The following TRMT44 variants were observed in gnomAD, a reference collection of about 807,000 sequenced individuals.
TRMT44 encodes tRNA methyltransferase 44 homolog.
TRMT44 carries 78 observed loss-of-function variants against 77.3 expected under a neutral mutation model. The ratio of observed to expected loss-of-function variants is 1.01; its 90% CI spans 0.84 to 1.22. The LOEUF (loss-of-function observed/expected upper bound fraction) is 1.22. TRMT44 is among the 50% of genes most tolerant of loss of function. The pLI, the probability that TRMT44 is intolerant of heterozygous loss-of-function variation, is 0.00. For synonymous variants in TRMT44, 391 were observed against 383.3 expected (o/e 1.02, Z -0.23); for missense variants, 1,090 against 964.4 (o/e 1.13, Z -1.73).
At chr4:8,482,232 C>G (rs1199337304) in intron 2 of TRMT44, 1 of 152,346 alleles carries the variant, frequency 6.6e-6, no homozygotes, top group African/African-American at 2.4e-5. Context: ...CGGCATCCTC[C>G]TCCACCCTAG....
At chr4:8,468,452 C>T in intron 9 of TRMT44, 106 bp downstream of exon 9, 2 of 1,213,706 alleles carry the variant, frequency 1.6e-6, no homozygotes, top group Non-Finnish European at 2.4e-6. Context: ...TGTGACTACA[C>T]ACTTTGAAAA....
Position 8,446,471 on chromosome 4 carries a change from T to C in TRMT44, c.620-5T>C, listed in dbSNP as rs1225448824. On this transcript the variant is annotated splice_polypyrimidine_tract_variant and splice_region_variant and intron_variant, in intron 1 of 10. Transcript: ENST00000389737. The surrounding 1 kb of genome is among the most constrained non-coding windows in gnomAD (Gnocchi z 4.3). ...AATTTGTCCTTCTTCTCTTTTTCTT[T>C]CCAGATGTCCTCAATGGAACCATAA... 21 of 1,526,808 alleles carry C rather than the reference T, an allele frequency of 1.4e-5. No homozygotes were observed. Among genetic ancestry groups the C allele is most frequent in the Non-Finnish European group, 1.7e-5 (19 of 1,138,656 alleles). The allele number at this position is 1,526,808 out of a possible 1,614,324, so 94.6% of individuals were successfully genotyped here.
chr4:8,450,568 T>C (rs1008376008), intron 3 of TRMT44, among the ~76,000 whole-genome samples: 5 of 152,216 alleles, frequency 3.3e-5, no homozygotes, highest in Non-Finnish European at 7.3e-5. Flanking sequence ...TAATAACATG[T>C]GCTTAAACTT....
downstream of TRMT44, among the ~76,000 whole-genome samples, chr4:8,493,842 G>A (rs866478897): frequency 2.0e-5 from 3 of 151,978 alleles, no homozygotes; most frequent in Middle Eastern, 3.4e-3. Flanking sequence ...CCTGCCTGGC[G>A]AGCATAACCA....
chr4:8,482,976 G>A (rs964928927), intron 2 of TRMT44, among the ~76,000 whole-genome samples: 1 of 152,188 alleles, frequency 6.6e-6, no homozygotes, highest in South Asian at 2.1e-4. Flanking sequence ...ATGAGGGGCG[G>A]TGTGGGAACC....
At chr4:8,462,703 C>CA (rs1312106342) in intron 6 of TRMT44, among the ~76,000 whole-genome samples, 1 of 152,094 alleles carries the variant, frequency 6.6e-6, no homozygotes, top group African/African-American at 2.4e-5. Context: ...GACTCCGTCT[C>CA]AAAAACAACA....
At chr4:8,490,179 C>A (rs2109231777) in intron 2 of TRMT44, among the ~76,000 whole-genome samples, 1 of 152,250 alleles carries the variant, frequency 6.6e-6, no homozygotes, top group South Asian at 2.1e-4. Flanking sequence ...CACGCCTTCC[C>A]CGAAACTGCC....
rs1229819934 is a variant in TRMT44, at chr4:8,452,551, A to G, written c.1024-331A>G. ...GGAGTTTGAGACCAGCCTGGCCAAC[A>G]TGGTGAAACCCTGTCTCTACTAAAA... On this transcript the variant is annotated intron_variant, in intron 4 of 10. Coordinates refer to ENST00000389737, the MANE Select transcript of TRMT44 (RefSeq NM_152544.3). The surrounding 1 kb of genome is among the most constrained non-coding windows in gnomAD (Gnocchi z 5.7). Among the ~76,000 whole-genome samples the G allele has an allele frequency of 6.6e-6, 1 of 152,202 alleles. No homozygotes were observed. Among genetic ancestry groups the G allele is most frequent in the Non-Finnish European group, 1.5e-5 (1 of 68,042 alleles).
In TRMT44 at chr4:8,451,260, A is replaced by G. The variant is rs1725431544; in HGVS notation, c.955-700A>G. On this transcript the variant is annotated intron_variant, in intron 3 of 10. Coordinates refer to ENST00000389737, the MANE Select transcript of TRMT44 (RefSeq NM_152544.3). The surrounding 1 kb of genome is among the most constrained non-coding windows in gnomAD (Gnocchi z 4.1). Reference sequence around the variant, plus strand: ...TCTTGTTAGCTATTTGGTACCGTCCAGAAGGTACTTTTTATGTTTTTCCAG... The same window carrying G: ...TCTTGTTAGCTATTTGGTACCGTCCGGAAGGTACTTTTTATGTTTTTCCAG... Among the ~76,000 whole-genome samples, 1 of 152,146 alleles carries G rather than the reference A, an allele frequency of 6.6e-6. No individual in the cohort carries two copies. Among genetic ancestry groups the G allele is most frequent in the African/African-American group, 2.4e-5 (1 of 41,432 alleles).
chr4:8,465,958 C>T (rs943451864), intron 8 of TRMT44, among the ~76,000 whole-genome samples: 3 of 152,186 alleles, frequency 2.0e-5, no homozygotes, highest in African/African-American at 7.2e-5. Flanking sequence ...ACAGTGATTT[C>T]CCATTTTCTC....
chr4:8,474,251 AC>A (rs1215379980), intron 10 of TRMT44, among the ~76,000 whole-genome samples: 1 of 152,142 alleles, frequency 6.6e-6, no homozygotes, highest in Non-Finnish European at 1.5e-5. Flanking sequence ...CCTCCTGAGC[AC>A]CCTTTAGAGG....
intron 6 of TRMT44, among the ~76,000 whole-genome samples, chr4:8,462,176 C>T (rs144967157): frequency 0.026 from 3,938 of 151,798 alleles, 89 homozygotes; most frequent in African/African-American, 0.065. Context: ...TTTGGGAGGC[C>T]GAGGTGGGCA....
At chr4:8,472,823 C>G (rs1437947093) in intron 10 of TRMT44, among the ~76,000 whole-genome samples, 1 of 152,212 alleles carries the variant, frequency 6.6e-6, no homozygotes, top group Non-Finnish European at 1.5e-5. Context: ...CTGGAGTCTG[C>G]TCTTCCTTGC....
intron 10 of TRMT44, among the ~76,000 whole-genome samples, chr4:8,472,961 AGT>A (rs1390149874): frequency 2.6e-5 from 4 of 152,090 alleles, no homozygotes; most frequent in Non-Finnish European, 5.9e-5. Context: ...CTTGTATGTC[AGT>A]GTTTTTCTGT....
At chr4:8,460,146 G>T (rs1472182716) in intron 6 of TRMT44, among the ~76,000 whole-genome samples, 1 of 152,118 alleles carries the variant, frequency 6.6e-6, no homozygotes, top group Non-Finnish European at 1.5e-5. Flanking sequence ...ACTCCCTAAT[G>T]GGAAAAAAGT....
chr4:8,470,435 C>T (rs1726905591), intron 9 of TRMT44, among the ~76,000 whole-genome samples: 1 of 152,270 alleles, frequency 6.6e-6, no homozygotes, highest in Non-Finnish European at 1.5e-5. Context: ...CTGGCAAATA[C>T]ATGCAGGAAA....
chr4:8,493,500 A>G (rs1201168854), exon 3 of TRMT44: 1 of 151,494 alleles, frequency 6.6e-6, no homozygotes, highest in Non-Finnish European at 1.5e-5. Flanking sequence ...TAATAATAAA[A>G]CTCCGGTCTT....
chr4:8,501,385 A>C, the TRMT44 span, among the ~76,000 whole-genome samples: 1 of 152,126 alleles, frequency 6.6e-6, no homozygotes. The surrounding 1 kb of genome is among the most constrained non-coding windows in gnomAD (Gnocchi z 4.4). Flanking sequence ...CTGGGACCGG[A>C]TGTCCTGGGT....
the TRMT44 span, among the ~76,000 whole-genome samples, chr4:8,504,146 C>T: frequency 6.6e-6 from 1 of 152,068 alleles, no homozygotes; most frequent in African/African-American, 2.4e-5. The surrounding 1 kb of genome is among the most constrained non-coding windows in gnomAD (Gnocchi z 5.3). Context: ...CATCAGGGGT[C>T]TGCACTGCAT....
Sources: gnomAD v4.1 joint callset for allele counts (sites outside exome capture counted in the v4.1 genomes callset) on GRCh38, gnomAD v4.1.1 for gene constraint, Gnocchi (gnomAD v3.1) non-coding constraint, MANE v1.5 for transcripts, NCBI Gene and HGNC (gene_info 2026-07-23, HGNC 2026-07-21) for gene names.